The following PCYT2 variants were observed in gnomAD, a reference collection of about 807,000 sequenced individuals.
PCYT2 encodes phosphate cytidylyltransferase 2, ethanolamine.
A neutral mutation model predicts 50.0 loss-of-function variants in PCYT2; 33 were observed. That is an observed-to-expected ratio of 0.66 (90% CI 0.50 to 0.88). The LOEUF (loss-of-function observed/expected upper bound fraction) is 0.88, where lower values mean the gene tolerates loss of function less well. Ranked by LOEUF, PCYT2 falls within the 40% of genes least tolerant of loss-of-function variation. PCYT2 has a pLI of 0.00. For synonymous variants in PCYT2, 240 were observed against 203.7 expected, an observed-to-expected ratio of 1.18 and a Z score of -1.52; for missense variants, 430 against 519.7, an observed-to-expected ratio of 0.83 and a Z score of 1.68.
intron 8 of PCYT2, 100 bp downstream of exon 8, chr17:81,906,364 G>C: frequency 7.5e-7 from 1 of 1,324,922 alleles, no homozygotes; most frequent in Non-Finnish European, 1.1e-6. Flanking sequence ...ACTTCACCTG[G>C]GGCCCCTTCC....
Position 81,902,771 on chromosome 17 carries a change from C to T in PCYT2, c.*2062G>A, listed in dbSNP as rs753050007. 5.7e-6 allele frequency: 9 copies of T among 1,586,394 alleles called. No individual in the cohort carries two copies. In the South Asian group the frequency reaches 1.0e-4, roughly 18 times the overall value. On this transcript the variant is annotated 3_prime_UTR_variant, in exon 13 of 13. Transcript: ENST00000538936. ...TGAGCCCGGACCTCTCCTGGCACCG[C>T]TGGGGGCCCCCCGCCCCCACCGTCC...
At position 81,902,863 on chromosome 17, in the gene PCYT2, C is replaced by A; in HGVS notation, c.*1970G>T. 1 of 898,416 alleles carries A rather than the reference C, an allele frequency of 1.1e-6. No individual in the cohort carries two copies. The highest frequency in any genetic ancestry group is 3.0e-5 in the East Asian group (1 of 33,218). The allele number at this position is 898,416 out of a possible 1,614,324, so 55.7% of individuals were successfully genotyped here. On this transcript the variant is annotated 3_prime_UTR_variant, in exon 13 of 13. Transcript: ENST00000538936. ...CAGGTCTCCCCTACTCCGCTCACCCCGCAGTTAATGGCAAACGAATAAATA... is the reference window on the plus strand; with the variant it reads ...CAGGTCTCCCCTACTCCGCTCACCCAGCAGTTAATGGCAAACGAATAAATA...
rs1555613502 is a variant in PCYT2 at position 81,905,053 on chromosome 17, C to A, written c.1058+13G>T. On this transcript the variant is annotated intron_variant, in intron 12 of 12. Transcript: ENST00000538936. ...CCATGAGGCGGCTCCGAGGTGCCCC[C>A]ACCCAACTGCACCTGTTGGTGATGA... 2 of 1,605,418 alleles carry A rather than the reference C, an allele frequency of 1.2e-6. No individual in the cohort carries two copies. The highest frequency in any genetic ancestry group is 1.7e-6 in the Non-Finnish European group (2 of 1,174,066).
Position 81,904,463 on chromosome 17 carries a change from AGCCC to A in PCYT2, c.*366_*369del. ...GGTGACCGCAGTCACTGCTCCCTAA[AGCCC>A]TCTGCTCTGCACCTCCCGCCACAGC... On this transcript the variant is annotated 3_prime_UTR_variant, in exon 13 of 13. Coordinates refer to ENST00000538936, the MANE Select transcript of PCYT2 (RefSeq NM_002861.5). 4.4e-6 allele frequency: 1 copy of A among 225,832 alleles called. No homozygotes were observed. Among genetic ancestry groups the A allele is most frequent in the Non-Finnish European group, 8.8e-6 (1 of 113,968 alleles). The allele number at this position is 225,832 out of a possible 1,614,324, so 14.0% of individuals were successfully genotyped here.
At chr17:81,909,975 C>A (rs1042809294) in intron 1 of PCYT2, among the ~76,000 whole-genome samples, 1 of 152,178 alleles carries the variant, frequency 6.6e-6, no homozygotes, top group African/African-American at 2.4e-5. Flanking sequence ...TAAAATAAGC[C>A]GATGTTAACT....
chr17:81,906,463 C>T lies in PCYT2; in HGVS notation c.759+1G>A. 1.2e-6 allele frequency: 2 copies of T among 1,613,176 alleles called. No individual in the cohort carries two copies. The highest frequency in any genetic ancestry group is 1.7e-6 in the Non-Finnish European group (2 of 1,179,746). On this transcript the variant is annotated splice_donor_variant, in intron 8 of 12. Coordinates refer to ENST00000538936, the MANE Select transcript of PCYT2 (RefSeq NM_002861.5). LOFTEE classifies it high-confidence loss of function. The stretch of plus-strand genomic sequence containing the variant: ...GGCCCAGGGAGCAAGAAGGCAGTGA[C>T]CTGGTCAAAGTGTAAGCCCGCGATG...
At position 81,908,973 on chromosome 17, in the gene PCYT2, C is replaced by T. The variant is rs1383120514; in HGVS notation, c.243G>A (p.Gln81=). ...FTQEERYKMV[Q]AIKWVDEVVP... ...CCACCTCGTCCACCCATTTGATGGC[C>T]TGCACCATCTTGTATCTCTCCTCCT... The change falls in exon 3 of 13, where the codon CAG becomes CAA. Residue 81 remains glutamine (Q), a synonymous_variant. Coordinates refer to ENST00000538936, the MANE Select transcript of PCYT2 (RefSeq NM_002861.5). 1 of 1,614,066 alleles carries T rather than the reference C, an allele frequency of 6.2e-7. No homozygotes were observed.
At position 81,904,598 on chromosome 17, in the gene PCYT2, C is replaced by T; in HGVS notation, c.*235G>A. ...GTTTCAGGCTGCAGGTGCCGTCTGC[C>T]CGTCTCACTTCCGGCCTCTCCACTG... On this transcript the variant is annotated 3_prime_UTR_variant, in exon 13 of 13. Transcript: ENST00000538936. 1 of 511,292 alleles carries T rather than the reference C, an allele frequency of 2.0e-6. No homozygotes were observed. Among genetic ancestry groups the T allele is most frequent in the Non-Finnish European group, 3.5e-6 (1 of 288,184 alleles). The allele number at this position is 511,292 out of a possible 1,614,324, so 31.7% of individuals were successfully genotyped here.
At position 81,901,497 on chromosome 17, in the gene PCYT2, C is replaced by CA. The variant is rs1409803799; in HGVS notation, c.*3335dup. The CA allele has an allele frequency of 6.6e-6, 1 of 152,364 alleles. No homozygotes were observed. Among genetic ancestry groups the CA allele is most frequent in the African/African-American group, 2.4e-5 (1 of 41,462 alleles). The allele number at this position is 152,364 out of a possible 1,614,324, so 9.4% of individuals were successfully genotyped here. A position where few individuals can be genotyped will look rare whatever the true frequency, so the allele number is the denominator to read the frequency against. Reference sequence around the variant, plus strand: ...AACCCAGAAACAAGTGCCAGGGCTCCAGTGCCAGTGCCTGTCCTGGGAAGA... The same window carrying CA: ...AACCCAGAAACAAGTGCCAGGGCTCCAAGTGCCAGTGCCTGTCCTGGGAAGA... On this transcript the variant is annotated 3_prime_UTR_variant, in exon 13 of 13. Transcript: ENST00000538936.
rs2039953112 is a variant in PCYT2, at chr17:81,901,534, AGACAT to A, written c.*3294_*3298del. On this transcript the variant is annotated 3_prime_UTR_variant, in exon 13 of 13. Transcript: ENST00000538936. ...CTGTCCTGGGAAGATACCCAAGAGAAGACATGACCAGGACCTTGGGGGAGCATGAA... is the reference window on the plus strand; with the variant it reads ...CTGTCCTGGGAAGATACCCAAGAGAAGACCAGGACCTTGGGGGAGCATGAA... The A allele has an allele frequency of 6.6e-6, 1 of 152,310 alleles. No homozygotes were observed. Among genetic ancestry groups the A allele is most frequent in the Admixed American group, 6.5e-5 (1 of 15,286 alleles). The allele number at this position is 152,310 out of a possible 1,614,324, so 9.4% of individuals were successfully genotyped here.
At chr17:81,911,188 C>G (rs1265476094) in intron 1 of PCYT2, 79 bp downstream of exon 1, 3 of 1,017,180 alleles carry the variant, frequency 2.9e-6, no homozygotes, top group East Asian at 9.5e-5. Context: ...GGGCCCGGTC[C>G]CCGGGCAACG....
rs2230474 is a variant in PCYT2 at position 81,904,728 on chromosome 17, C to G, written c.*105G>C. On this transcript the variant is annotated 3_prime_UTR_variant, in exon 13 of 13. Transcript: ENST00000538936. The stretch of plus-strand genomic sequence containing the variant: ...GGAGGCAGAGTCCTCACCAGCCCTT[C>G]CAGAGCCAGGCCAGTTAGAGAGGGC... 4,669 of 738,368 alleles carry G rather than the reference C, an allele frequency of 6.3e-3. 149 individuals are homozygous for G. The African/African-American group carries it at 0.073, about 11-fold the overall frequency. 45.7% of individuals were successfully genotyped at this position (738,368 alleles called of 1,614,324 possible).
At position 81,911,362 on chromosome 17, in the gene PCYT2, G is replaced by A; in HGVS notation, c.-7C>T. ...CGCGCCCGTTCCGGATCATGGCCCCGCAGCGGCGGCGCGGACAGCCTGGCA... is the reference window on the plus strand; with the variant it reads ...CGCGCCCGTTCCGGATCATGGCCCCACAGCGGCGGCGCGGACAGCCTGGCA... On this transcript the variant is annotated 5_prime_UTR_variant, in exon 1 of 13. Transcript: ENST00000538936. 1.9e-6 allele frequency: 2 copies of A among 1,040,712 alleles called. No individual in the cohort carries two copies. The highest frequency in any genetic ancestry group is 1.1e-6 in the Non-Finnish European group (1 of 871,608). The allele number at this position is 1,040,712 out of a possible 1,614,324, so 64.5% of individuals were successfully genotyped here.
rs1325072050 is a variant in PCYT2, at chr17:81,905,119, G to A, written c.1005C>T (p.Asp335=). Residue 335 remains aspartate (D), a synonymous_variant, in exon 12 of 13, where the codon GAC becomes GAT. Transcript: ENST00000538936. ...GGTCTGTGGTGAGGTTGCTGCCACT[G>A]TCAATCTGACGGAAGATGCCCCTTC... is the stretch of plus-strand genomic sequence containing the variant. ...PKRRGIFRQI[D]SGSNLTTDLI... 2 of 1,613,422 alleles carry A rather than the reference G, an allele frequency of 1.2e-6. No individual in the cohort carries two copies. The highest frequency in any genetic ancestry group is 4.5e-5 in the East Asian group (2 of 44,882).
chr17:81,902,037 G>C lies in PCYT2; in HGVS notation c.*2796C>G. The C allele has an allele frequency of 3.6e-6, 1 of 274,312 alleles. No individual in the cohort carries two copies. The highest frequency in any genetic ancestry group is 7.0e-5 in the East Asian group (1 of 14,366). 17.0% of individuals were successfully genotyped at this position (274,312 alleles called of 1,614,324 possible). The stretch of plus-strand genomic sequence containing the variant: ...CGGCATGGGTGGGGAGCTTGAGGGG[G>C]CGTTGGGCTCCCACCAAGCGCCAGA... On this transcript the variant is annotated 3_prime_UTR_variant, in exon 13 of 13. Coordinates refer to ENST00000538936, the MANE Select transcript of PCYT2 (RefSeq NM_002861.5).
chr17:81,909,187 G>A, intron 2 of PCYT2, 150 bp from the exon 3 acceptor site: 5 of 1,455,418 alleles, frequency 3.4e-6, no homozygotes, highest in Non-Finnish European at 4.5e-6. Context: ...ACTAGTGCTG[G>A]CCAACTGGGT....
chr17:81,905,486 G>A (rs1397224433), intron 10 of PCYT2, 39 bp from the exon 11 acceptor site: 1 of 1,547,616 alleles, frequency 6.5e-7, no homozygotes, highest in African/African-American at 1.4e-5. Flanking sequence ...CCCCGGGGAG[G>A]CAGCGGCCGT....
chr17:81,908,742 T>C, intron 3 of PCYT2, 108 bp from the exon 4 acceptor site: 1 of 1,327,690 alleles, frequency 7.5e-7, no homozygotes, highest in Admixed American at 1.9e-5. Flanking sequence ...GCGTGCCCAT[T>C]TCTAGGTGGG....
rs2040404271 is a variant in PCYT2 at position 81,908,550 on chromosome 17, C to T, written c.407+18G>A. 6.2e-7 allele frequency: 1 copy of T among 1,604,550 alleles called. No homozygotes were observed. Among genetic ancestry groups the T allele is most frequent in the East Asian group, 2.2e-5 (1 of 44,854 alleles). On this transcript the variant is annotated intron_variant, in intron 4 of 12. Coordinates refer to ENST00000538936, the MANE Select transcript of PCYT2 (RefSeq NM_002861.5). ...GTGTCCAGCTCCCTGGATGGCCAGGCCCGCGGTGGAGACTCACCTGTACCT... is the reference window on the plus strand; with the variant it reads ...GTGTCCAGCTCCCTGGATGGCCAGGTCCGCGGTGGAGACTCACCTGTACCT...
Sources: gnomAD v4.1 joint callset for allele counts (sites outside exome capture counted in the v4.1 genomes callset) on GRCh38, gnomAD v4.1.1 for gene constraint, MANE v1.5 for transcripts, NCBI Gene and HGNC (gene_info 2026-07-23, HGNC 2026-07-21) for gene names.